The following GPRC6A variants were observed in gnomAD, a reference collection of about 807,000 sequenced individuals.
GPRC6A encodes the protein G protein-coupled receptor class C group 6 member A, also known as G protein-coupled receptor family C group 6 member A.
In GPRC6A, 54 loss-of-function variants were observed where a neutral mutation model predicts 47.0. The observed-to-expected ratio is 1.15, with a 90% CI of 0.92 to 1.44. The LOEUF is 1.44. Among genes scored for constraint, GPRC6A ranks in the 40% most tolerant of loss-of-function variants. The probability of loss-of-function intolerance (pLI) is 0.00; values close to 1 mark genes in which losing one functional copy is unlikely to be tolerated. For missense variants in GPRC6A, 1,112 were observed against 1,105.5 expected (o/e 1.01, Z -0.08); for synonymous variants, 347 against 377.1 (o/e 0.92, Z 0.93).
Position 116,817,909 on chromosome 6 carries a change from T to G in GPRC6A, c.195-8292A>C, listed in dbSNP as rs574670198. Among the ~76,000 whole-genome samples the G allele has an allele frequency of 3.2e-3, 487 of 151,934 alleles. 7 individuals carry two copies. The highest frequency in any genetic ancestry group is 0.011 in the African/African-American group (446 of 41,510). On this transcript the variant is annotated intron_variant, in intron 1 of 5. Transcript: ENST00000310357. ...AAAGACCAAATCTACGTCTGATTGG[T>G]GTACCTGAAAGTGATGGGGAGAATG...
chr6:116,807,177 C>T lies in GPRC6A; in HGVS notation c.528G>A (p.Leu176=). The change falls in exon 3 of 6, where the codon CTG becomes CTA. Residue 176 remains leucine, a synonymous_variant. Coordinates refer to ENST00000310357, the MANE Select transcript of GPRC6A (RefSeq NM_148963.4). Reference sequence around the variant, plus strand: ...ATGAAGGAAAGCGAATTTTGTCACTCAGGATTTCTGCAGTTGATTCATAAC... The same window carrying T: ...ATGAAGGAAAGCGAATTTTGTCACTTAGGATTTCTGCAGTTGATTCATAAC... ...QVGYESTAEI[L]SDKIRFPSFL... is the part of the protein sequence containing the mutation. The T allele has an allele frequency of 6.2e-7, 1 of 1,612,832 alleles. No homozygotes were observed. The highest frequency in any genetic ancestry group is 8.5e-7 in the Non-Finnish European group (1 of 1,179,288).
At chr6:116,794,019 A>T (rs1772400018) in intron 5 of GPRC6A, among the ~76,000 whole-genome samples, 1 of 152,186 alleles carries the variant, frequency 6.6e-6, no homozygotes, top group Admixed American at 6.5e-5. Context: ...AAAAGTATTT[A>T]TGCTTATTCT....
At chr6:116,816,801 T>G (rs1773226884) in intron 1 of GPRC6A, among the ~76,000 whole-genome samples, 1 of 152,144 alleles carries the variant, frequency 6.6e-6, no homozygotes, top group African/African-American at 2.4e-5. Flanking sequence ...ATCGGGTCAC[T>G]CCCACCCGAA....
At chr6:116,823,320 G>T (rs562588981) in intron 1 of GPRC6A, among the ~76,000 whole-genome samples, 1 of 152,156 alleles carries the variant, frequency 6.6e-6, no homozygotes, top group East Asian at 1.9e-4. Flanking sequence ...CAAGTTCAAA[G>T]TTCCACAGAT....
At chr6:116,805,223 G>T (rs1772799089) in intron 3 of GPRC6A, among the ~76,000 whole-genome samples, 1 of 151,798 alleles carries the variant, frequency 6.6e-6, no homozygotes, top group African/African-American at 2.4e-5. Flanking sequence ...CTCCTTATTA[G>T]ATTTTTGGCT....
chr6:116,823,185 G>T (rs1288992438), intron 1 of GPRC6A, among the ~76,000 whole-genome samples: 1 of 152,010 alleles, frequency 6.6e-6, no homozygotes, highest in Non-Finnish European at 1.5e-5. Context: ...TTAAATATAA[G>T]TTCCAGTTTT....
chr6:116,798,882 T>C, intron 4 of GPRC6A, among the ~76,000 whole-genome samples: 1 of 142,172 alleles, frequency 7.0e-6, no homozygotes, highest in Non-Finnish European at 1.5e-5. Context: ...GAATCCATCT[T>C]GGAAAAAAAA....
At chr6:116,815,544 T>C (rs912996983) in intron 1 of GPRC6A, among the ~76,000 whole-genome samples, 1 of 152,160 alleles carries the variant, frequency 6.6e-6, no homozygotes, top group Non-Finnish European at 1.5e-5. Context: ...ACAGAACATT[T>C]TGTCCAACAA....
Position 116,818,532 on chromosome 6 carries a change from T to TCAAAAAAAAAAAAAAAAA in GPRC6A, c.195-8916_195-8915insTTTTTTTTTTTTTTTTTG, listed in dbSNP as rs1554263527. Among the ~76,000 whole-genome samples, 14 of 15,508 alleles carry TCAAAAAAAAAAAAAAAAA rather than the reference T, an allele frequency of 9.0e-4. 5 individuals carry two copies. Among genetic ancestry groups the TCAAAAAAAAAAAAAAAAA allele is most frequent in the Admixed American group, 1.7e-3 (2 of 1,190 alleles). The allele number at this position is 15,508 out of a possible 152,430, so 10.2% of individuals were successfully genotyped here. ...CTGGGCGACAGAGCGAGACTCCGTC[T>TCAAAAAAAAAAAAAAAAA]AAAAAAAAAAAAAAAAAAAAAAAAA... On this transcript the variant is annotated intron_variant, in intron 1 of 5. Transcript: ENST00000310357.
At chr6:116,808,568 A>G (rs1167547484) in intron 2 of GPRC6A, among the ~76,000 whole-genome samples, 1 of 152,114 alleles carries the variant, frequency 6.6e-6, no homozygotes, top group Non-Finnish European at 1.5e-5. Context: ...TCTACCTCCA[A>G]AATGTTATAT....
rs190699373 is a variant in GPRC6A, at chr6:116,829,063, T to G, written c.-50A>C. 4 of 1,552,500 alleles carry G rather than the reference T, an allele frequency of 2.6e-6. No individual in the cohort carries two copies. Among genetic ancestry groups the G allele is most frequent in the East Asian group, 4.5e-5 (2 of 44,034 alleles). On this transcript the variant is annotated 5_prime_UTR_variant, in exon 1 of 6. Transcript: ENST00000310357. The stretch of plus-strand genomic sequence containing the variant: ...ATGTGAGTTCTTAGGAATCATTAAG[T>G]GCACGGAGTGCCAGCAAGATTCCTA...
intron 1 of GPRC6A, among the ~76,000 whole-genome samples, chr6:116,816,677 C>T (rs1018655467): frequency 2.0e-5 from 3 of 152,244 alleles, no homozygotes; most frequent in Non-Finnish European, 4.4e-5. Context: ...TCAGTGGGTG[C>T]ACGCACCGTG....
intron 1 of GPRC6A, among the ~76,000 whole-genome samples, chr6:116,823,481 CACA>C (rs1206359354): frequency 6.6e-6 from 1 of 152,214 alleles, no homozygotes; most frequent in East Asian, 1.9e-4. Context: ...TCATTTTGGT[CACA>C]ACAATTTAAC....
chr6:116,808,367 C>T (rs1772919288), intron 2 of GPRC6A, among the ~76,000 whole-genome samples: 1 of 152,222 alleles, frequency 6.6e-6, no homozygotes, highest in South Asian at 2.1e-4. Flanking sequence ...AAAAAGTCTG[C>T]TTTCCTTACG....
chr6:116,803,652 C>T (rs988578228), intron 3 of GPRC6A, among the ~76,000 whole-genome samples: 15 of 152,130 alleles, frequency 9.9e-5, no homozygotes, highest in African/African-American at 2.9e-4. Context: ...TAGTCCATTA[C>T]AGCTCTCATG....
intron 1 of GPRC6A, among the ~76,000 whole-genome samples, chr6:116,821,441 G>C (rs112249003): frequency 1.3e-5 from 2 of 151,566 alleles, no homozygotes; most frequent in Non-Finnish European, 2.9e-5. Flanking sequence ...GAGGCATCAC[G>C]CTACCTGACT....
rs144438731 is a variant in GPRC6A, at chr6:116,792,831, G to A, written c.2092C>T (p.Leu698=). The A allele has an allele frequency of 3.1e-5, 50 of 1,614,090 alleles. No homozygotes were observed. Among genetic ancestry groups the A allele is most frequent in the Non-Finnish European group, 4.0e-5 (47 of 1,179,984 alleles). The part of the protein sequence containing the change: ...FSFDPKLQKF[L]KCLYRPILII... The stretch of plus-strand genomic sequence containing the variant: ...AGGATCGGTCTATAGAGGCACTTCA[G>A]AAATTTCTGTAATTTGGGATCAAAG... Residue 698 remains leucine (L), a synonymous_variant, in exon 6 of 6, where the codon CTG becomes TTG. Coordinates refer to ENST00000310357, the MANE Select transcript of GPRC6A (RefSeq NM_148963.4).
chr6:116,816,559 C>G (rs1180591761), intron 1 of GPRC6A, among the ~76,000 whole-genome samples: 2 of 152,214 alleles, frequency 1.3e-5, no homozygotes, highest in African/African-American at 4.8e-5. Flanking sequence ...AGGAACAGCT[C>G]CGGTCTACAG....
At chr6:116,823,392 C>G (rs1773571688) in intron 1 of GPRC6A, among the ~76,000 whole-genome samples, 1 of 152,114 alleles carries the variant, frequency 6.6e-6, no homozygotes, top group South Asian at 2.1e-4. Flanking sequence ...ATAACCTTTA[C>G]TCCAGTTCCT....
Sources: gnomAD v4.1 joint callset for allele counts (sites outside exome capture counted in the v4.1 genomes callset) on GRCh38, gnomAD v4.1.1 for gene constraint, MANE v1.5 for transcripts, NCBI Gene and HGNC (gene_info 2026-07-23, HGNC 2026-07-21) for gene names.